The following ARID1B variants were observed in gnomAD, a reference collection of about 807,000 sequenced individuals.
The protein encoded by ARID1B is AT-rich interactive domain-containing protein 1B.
In ARID1B, 30 loss-of-function variants were observed where a neutral mutation model predicts 212.3. That is an observed-to-expected ratio of 0.14 (90% CI 0.11 to 0.19). ARID1B has a LOEUF of 0.19. Ranked by LOEUF, ARID1B falls within the 10% of genes least tolerant of loss-of-function variation. ARID1B has a pLI of 1.00. For missense variants in ARID1B, 2,891 were observed against 3,204.0 expected, an observed-to-expected ratio of 0.90 and a Z score of 2.36; for synonymous variants, 1,402 against 1,301.7, an observed-to-expected ratio of 1.08 and a Z score of -1.66.
chr6:156,975,799 C>T (rs1425942537), intron 4 of ARID1B, among the ~76,000 whole-genome samples: 2 of 151,940 alleles, frequency 1.3e-5, no homozygotes, highest in Non-Finnish European at 2.9e-5. Context: ...ATGTCACGAG[C>T]GTCCATGTGA....
At chr6:156,908,292 C>T (rs1351591337) in intron 3 of ARID1B, among the ~76,000 whole-genome samples, 1 of 151,992 alleles carries the variant, frequency 6.6e-6, no homozygotes, top group African/African-American at 2.4e-5. Context: ...ATATATATTC[C>T]TATGTATAGG....
At chr6:156,813,095 T>TATATATATATAC (rs1562404644) in intron 1 of ARID1B, among the ~76,000 whole-genome samples, 15 of 117,038 alleles carry the variant, frequency 1.3e-4, no homozygotes, top group South Asian at 5.5e-4. Context: ...TGTATATACA[T>TATATATATATAC]ACATATATAT....
At position 156,934,924 on chromosome 6, in the gene ARID1B, AT is replaced by A. The variant is rs1792053712; in HGVS notation, c.2137-541del. Reference sequence around the variant, plus strand: ...ATTTAGTTGTTAATTATATATATATATATATATATATATATATATATATATA... The same window carrying A: ...ATTTAGTTGTTAATTATATATATATAATATATATATATATATATATATATA... On this transcript the variant is annotated intron_variant, in intron 3 of 19. Transcript: ENST00000636930. 4.4e-4 allele frequency among the ~76,000 whole-genome samples: 18 copies of A among 41,372 alleles called. No homozygotes were observed. In the East Asian group the frequency reaches 0.02, roughly 46 times the overall value. 27.1% of individuals were successfully genotyped at this position (41,372 alleles called of 152,430 possible). A position where few individuals can be genotyped will look rare whatever the true frequency, so the allele number is the denominator to read the frequency against.
At chr6:156,848,081 A>G (rs948775382) in intron 2 of ARID1B, among the ~76,000 whole-genome samples, 3 of 152,240 alleles carry the variant, frequency 2.0e-5, no homozygotes, top group Non-Finnish European at 2.9e-5. Flanking sequence ...GGCAGAAAAT[A>G]TAACTAATGT....
intron 2 of ARID1B, among the ~76,000 whole-genome samples, chr6:156,866,535 A>G (rs1785706710): frequency 6.6e-6 from 1 of 152,210 alleles, no homozygotes; most frequent in Non-Finnish European, 1.5e-5. Context: ...TTTTATAAAA[A>G]TAAACAAAAA....
At chr6:157,117,255 G>A (rs2128538562) in intron 6 of ARID1B, among the ~76,000 whole-genome samples, 1 of 152,218 alleles carries the variant, frequency 6.6e-6, no homozygotes, top group African/African-American at 2.4e-5. Context: ...TACATATTTT[G>A]TTTAGACTGA....
chr6:157,122,870 C>T (rs1787834786), intron 6 of ARID1B, among the ~76,000 whole-genome samples: 1 of 152,024 alleles, frequency 6.6e-6, no homozygotes, highest in South Asian at 2.1e-4. Context: ...TTAGTAGAGA[C>T]CGGGTTTCAC....
chr6:156,892,133 C>G (rs776071118), intron 2 of ARID1B, among the ~76,000 whole-genome samples: 1 of 149,680 alleles, frequency 6.7e-6, no homozygotes, highest in East Asian at 2.0e-4. Flanking sequence ...CTCTTGACCT[C>G]GTGATCCAGC....
intron 9 of ARID1B, chr6:157,172,831 C>T (rs1791814573): frequency 6.6e-6 from 1 of 151,424 alleles, no homozygotes; most frequent in Non-Finnish European, 1.5e-5. Flanking sequence ...GCACATAACG[C>T]TACATGTGTC....
chr6:157,197,252 C>A (rs1055558741), intron 16 of ARID1B, among the ~76,000 whole-genome samples: 1 of 152,222 alleles, frequency 6.6e-6, no homozygotes, highest in African/African-American at 2.4e-5. Flanking sequence ...GCTTTTCCCT[C>A]CCCGGAGCCA....
At chr6:157,161,429 G>GTATATATA (rs1228344142) in intron 8 of ARID1B, among the ~76,000 whole-genome samples, 1 of 134,030 alleles carries the variant, frequency 7.5e-6, no homozygotes, top group Admixed American at 7.3e-5. Context: ...GATTGTGTGT[G>GTATATATA]TGTATATATA....
intron 8 of ARID1B, among the ~76,000 whole-genome samples, chr6:157,158,070 A>G (rs1211272789): frequency 6.6e-6 from 1 of 152,230 alleles, no homozygotes; most frequent in Admixed American, 6.5e-5. Context: ...AGAAACCTGT[A>G]AGATTGTGGC....
At chr6:157,072,863 C>T (rs1784075361) in intron 4 of ARID1B, among the ~76,000 whole-genome samples, 1 of 152,148 alleles carries the variant, frequency 6.6e-6, no homozygotes, top group Non-Finnish European at 1.5e-5. Flanking sequence ...CAATGTCACA[C>T]CACTGGGAAG....
At chr6:157,084,545 G>A (rs1443681645) in intron 4 of ARID1B, 117 bp from the exon 5 acceptor site, 2 of 1,314,636 alleles carry the variant, frequency 1.5e-6, no homozygotes, top group Non-Finnish European at 2.1e-6. Flanking sequence ...TTTATTTTGG[G>A]TGTTACCCAG....
intron 2 of ARID1B, among the ~76,000 whole-genome samples, chr6:156,898,484 T>C (rs287948): frequency 0.97 from 147,949 of 152,210 alleles, 71,951 homozygotes; most frequent in East Asian, 1. Context: ...GCCGCCCAGA[T>C]GCCAGAACTC....
chr6:156,847,719 T>A (rs921559346), intron 2 of ARID1B, among the ~76,000 whole-genome samples: 1 of 152,182 alleles, frequency 6.6e-6, no homozygotes, highest in Non-Finnish European at 1.5e-5. Context: ...GTAAACATGA[T>A]TTTTCTGGTT....
At chr6:156,883,582 G>A (rs1378034704) in intron 2 of ARID1B, among the ~76,000 whole-genome samples, 1 of 152,064 alleles carries the variant, frequency 6.6e-6, no homozygotes, top group Non-Finnish European at 1.5e-5. Flanking sequence ...TCCAGCGTGA[G>A]CCTGACACAC....
At chr6:157,014,533 G>A (rs527596953) in intron 4 of ARID1B, among the ~76,000 whole-genome samples, 1 of 152,284 alleles carries the variant, frequency 6.6e-6, no homozygotes, top group South Asian at 2.1e-4. Context: ...GAGAGACTCT[G>A]TACTTTAATA....
chr6:157,060,283 AGT>A (rs1783255201), intron 4 of ARID1B, among the ~76,000 whole-genome samples: 1 of 152,234 alleles, frequency 6.6e-6, no homozygotes, highest in Non-Finnish European at 1.5e-5. Flanking sequence ...TAAAGCAGAG[AGT>A]GTTCAATTTT....
Sources: gnomAD v4.1 joint callset for allele counts (sites outside exome capture counted in the v4.1 genomes callset) on GRCh38, gnomAD v4.1.1 for gene constraint, MANE v1.5 for transcripts, NCBI Gene and HGNC (gene_info 2026-07-23, HGNC 2026-07-21) for gene names.